The following GPN2 variants were observed in gnomAD, a reference collection of about 807,000 sequenced individuals.
GPN2 encodes GPN-loop GTPase 2.
In GPN2, 27 loss-of-function variants were observed where a neutral mutation model predicts 30.1. The observed-to-expected ratio is 0.90, with a 90% CI of 0.66 to 1.24. The LOEUF (loss-of-function observed/expected upper bound fraction) is 1.24, where lower values mean the gene tolerates loss of function less well. Ranked by LOEUF, GPN2 falls within the 50% of genes most tolerant of loss-of-function variation. The pLI is 0.00. For missense variants in GPN2, 406 were observed against 405.4 expected (o/e 1.00, Z -0.01); for synonymous variants, 212 against 174.4 (o/e 1.22, Z -1.70).
intron 3 of GPN2, among the ~76,000 whole-genome samples, chr1:26,884,618 G>A (rs1470690780): frequency 6.6e-6 from 1 of 152,178 alleles, no homozygotes; most frequent in Non-Finnish European, 1.5e-5. Context: ...CAGGTCATCT[G>A]TCGCAGTATT....
intron 4 of GPN2, 79 bp downstream of exon 4, chr1:26,884,081 G>A (rs2081878167): frequency 2.6e-6 from 2 of 776,250 alleles, no homozygotes; most frequent in African/African-American, 3.6e-5. Flanking sequence ...CCACAAGGTT[G>A]ATGACTGCAC....
intron 4 of GPN2, among the ~76,000 whole-genome samples, chr1:26,881,972 T>C (rs1054184971): frequency 2.0e-5 from 3 of 152,070 alleles, no homozygotes; most frequent in Non-Finnish European, 4.4e-5. Context: ...TCCCAGCACT[T>C]TGGGAGGCCA....
chr1:26,879,841 A>G, intron 4 of GPN2, 92 bp from the exon 5 acceptor site: 1 of 798,908 alleles, frequency 1.3e-6, no homozygotes, highest in Non-Finnish European at 2.2e-6. Context: ...CTACACTCCA[A>G]CCATGTCCAT....
At chr1:26,881,514 C>CA (rs1184726931) in intron 4 of GPN2, among the ~76,000 whole-genome samples, 5 of 152,208 alleles carry the variant, frequency 3.3e-5, no homozygotes, top group Non-Finnish European at 7.3e-5. Context: ...GTACGGTGTA[C>CA]AAAATACTAC....
At chr1:26,883,059 TC>T (rs2081872471) in intron 4 of GPN2, among the ~76,000 whole-genome samples, 1 of 152,224 alleles carries the variant, frequency 6.6e-6, no homozygotes, top group Non-Finnish European at 1.5e-5. Flanking sequence ...TCAACCCTTC[TC>T]ACCTAGCAAG....
At chr1:26,885,791 G>A (rs2081887456) in intron 3 of GPN2, among the ~76,000 whole-genome samples, 182 bp downstream of exon 3, 1 of 152,050 alleles carries the variant, frequency 6.6e-6, no homozygotes, top group Non-Finnish European at 1.5e-5. Context: ...GGGTTAGCCA[G>A]GATGGTCTCG....
At chr1:26,883,872 C>G (rs1248629230) in intron 4 of GPN2, among the ~76,000 whole-genome samples, 1 of 151,786 alleles carries the variant, frequency 6.6e-6, no homozygotes, top group Non-Finnish European at 1.5e-5. Flanking sequence ...AACCCCGTCT[C>G]TACTAAAAAT....
chr1:26,890,101 G>T lies in GPN2; in HGVS notation c.-5C>A. 2.0e-6 allele frequency: 3 copies of T among 1,514,406 alleles called. No homozygotes were observed. Among genetic ancestry groups the T allele is most frequent in the Non-Finnish European group, 2.6e-6 (3 of 1,138,560 alleles). The allele number at this position is 1,514,406 out of a possible 1,614,324, so 93.8% of individuals were successfully genotyped here. ...GGTCGGAGCGGCCCCTGCCATTGGC[G>T]GCCCGCGGCCCGGAGCAGGTCAACT... On this transcript the variant is annotated 5_prime_UTR_variant, in exon 1 of 5. Coordinates refer to ENST00000374135, the MANE Select transcript of GPN2 (RefSeq NM_018066.4).
rs3170660 is a variant in GPN2 at position 26,884,230 on chromosome 1, T to C, written c.790A>G (p.Arg264Gly). The C allele has an allele frequency of 0.67, 1,074,424 of 1,613,260 alleles. 367,593 individuals are homozygous for C. The highest frequency in any genetic ancestry group is 1 in the East Asian group (44,824 of 44,876). The change falls in exon 4 of 5, where the codon AGA becomes GGA. Residue 264 changes from arginine to glycine, a missense_variant. Transcript: ENST00000374135. ...AVDKANGYCF[R>G]AQEQRSLEAM... ...TCCAAGCTTCGCTGCTCTTGGGCTC[T>C]GAAACAGTATCCATTGGCTTTATCC...
chr1:26,885,783 G>C (rs1444303630), intron 3 of GPN2, among the ~76,000 whole-genome samples, 190 bp downstream of exon 3: 1 of 151,926 alleles, frequency 6.6e-6, no homozygotes, highest in East Asian at 1.9e-4. Flanking sequence ...GTTTCACTGG[G>C]TTAGCCAGGA....
intron 2 of GPN2, 121 bp downstream of exon 2, chr1:26,888,848 T>C: frequency 1.1e-6 from 1 of 906,918 alleles, no homozygotes. Context: ...AGTTAGAACC[T>C]GCCTGTGGCT....
In GPN2 at chr1:26,889,045, G is replaced by A. The variant is rs768536384; in HGVS notation, c.492C>T (p.Ala164=). The change falls in exon 2 of 5, where the codon GCC becomes GCT. Residue 164 remains alanine, a synonymous_variant. Coordinates refer to ENST00000374135, the MANE Select transcript of GPN2 (RefSeq NM_018066.4). The part of the protein sequence containing the change: ...KFISVLCTSL[A]TMLHVELPHI... ...GGGGCAGTTCCACGTGCAGCATGGTGGCCAGGGAGGTACACAGTACTGAAA... is the reference window on the plus strand; with the variant it reads ...GGGGCAGTTCCACGTGCAGCATGGTAGCCAGGGAGGTACACAGTACTGAAA... 6.2e-7 allele frequency: 1 copy of A among 1,613,842 alleles called. No individual in the cohort carries two copies. The highest frequency in any genetic ancestry group is 1.3e-5 in the African/African-American group (1 of 74,946).
chr1:26,889,161 G>A (rs1300989615), intron 1 of GPN2, 36 bp from the exon 2 acceptor site: 23 of 1,570,858 alleles, frequency 1.5e-5, no homozygotes, highest in Non-Finnish European at 2.0e-5. Flanking sequence ...GTGGCCTGGA[G>A]AAACAGGGAT....
At position 26,879,436 on chromosome 1, in the gene GPN2, T is replaced by C; in HGVS notation, c.*241A>G. 1.9e-6 allele frequency: 1 copy of C among 539,862 alleles called. No individual in the cohort carries two copies. The highest frequency in any genetic ancestry group is 3.4e-6 in the Non-Finnish European group (1 of 297,382). The allele number at this position is 539,862 out of a possible 1,614,324, so 33.4% of individuals were successfully genotyped here. ...TTCATCACAGCCTGACTAGGACCAG[T>C]GCTCGACTTTCTGGTGGCAGGGCCC... On this transcript the variant is annotated 3_prime_UTR_variant, in exon 5 of 5. Transcript: ENST00000374135.
chr1:26,889,794 G>C lies in GPN2; in HGVS notation c.303C>G (p.Pro101=). 1 of 1,613,894 alleles carries C rather than the reference G, an allele frequency of 6.2e-7. No individual in the cohort carries two copies. Among genetic ancestry groups the C allele is most frequent in the Non-Finnish European group, 8.5e-7 (1 of 1,180,028 alleles). The change falls in exon 1 of 5, where the codon CCC becomes CCG. Residue 101 remains proline, a synonymous_variant. Coordinates refer to ENST00000374135, the MANE Select transcript of GPN2 (RefSeq NM_018066.4). ...CGAAGAGGAAGTAGTGGCCGCGGAG[G>C]GGGTCGAGCTTGGCACGCAGCCAGT... ...NLDWLRAKLD[P]LRGHYFLFDC... is the part of the protein sequence containing the mutation.
rs1259372123 is a variant in GPN2, at chr1:26,876,279, G to C, written c.*3398C>G. The stretch of plus-strand genomic sequence containing the variant: ...TACCCAGGCTGGAGTGCAATGGCGC[G>C]ATCTCCGCTCACTGAAACTTCCGCC... On this transcript the variant is annotated 3_prime_UTR_variant, in exon 5 of 5. Transcript: ENST00000374135. 1 of 150,750 alleles carries C rather than the reference G, an allele frequency of 6.6e-6. No homozygotes were observed. 9.3% of individuals were successfully genotyped at this position (150,750 alleles called of 1,614,324 possible).
Position 26,881,451 on chromosome 1 carries a change from A to G in GPN2, c.861-1702T>C, listed in dbSNP as rs147943286. Reference sequence around the variant, plus strand: ...CCAAAGTATGATTTCTACTGAATGCATATAGCTTTCACACCATCATAAAGT... The same window carrying G: ...CCAAAGTATGATTTCTACTGAATGCGTATAGCTTTCACACCATCATAAAGT... On this transcript the variant is annotated intron_variant, in intron 4 of 4. Coordinates refer to ENST00000374135, the MANE Select transcript of GPN2 (RefSeq NM_018066.4). Among the ~76,000 whole-genome samples, 269 of 152,370 alleles carry G rather than the reference A, an allele frequency of 1.8e-3. 3 individuals are homozygous for G. Among genetic ancestry groups the G allele is most frequent in the African/African-American group, 6.1e-3 (253 of 41,590 alleles).
At chr1:26,880,297 T>C (rs987085440) in intron 4 of GPN2, among the ~76,000 whole-genome samples, 4 of 152,196 alleles carry the variant, frequency 2.6e-5, no homozygotes, top group African/African-American at 9.6e-5. Context: ...CACCAAATGA[T>C]GTTCGAGTTA....
rs1185119011 is a variant in GPN2, at chr1:26,876,492, A to C, written c.*3185T>G. On this transcript the variant is annotated 3_prime_UTR_variant, in exon 5 of 5. Transcript: ENST00000374135. ...CTTGGCCTCCCAAAGTGCTGGGATT[A>C]CAGGCGTGAGCCACCGTGCTCGGCC... is the stretch of plus-strand genomic sequence containing the variant. 1 of 152,234 alleles carries C rather than the reference A, an allele frequency of 6.6e-6. No homozygotes were observed. Among genetic ancestry groups the C allele is most frequent in the African/African-American group, 2.4e-5 (1 of 41,456 alleles). 9.4% of individuals were successfully genotyped at this position (152,234 alleles called of 1,614,324 possible).
Sources: allele counts gnomAD v4.1 joint callset (sites outside exome capture counted in the v4.1 genomes callset), GRCh38; gene constraint gnomAD v4.1.1; transcripts MANE v1.5; gene names NCBI Gene and HGNC (gene_info 2026-07-23, HGNC 2026-07-21).